Variants in RECK observed in about 807,000 individuals in gnomAD.
The protein encoded by RECK is reversion-inducing cysteine-rich protein with Kazal motifs.
Under a neutral mutation model 115.1 loss-of-function variants are expected in RECK, and 69 were observed. The observed-to-expected ratio is 0.60, with a 90% CI of 0.49 to 0.73. RECK has a LOEUF of 0.73. Among genes scored for constraint, RECK ranks in the 30% least tolerant of loss-of-function variants. The pLI, the probability that RECK is intolerant of heterozygous loss-of-function variation, is 0.00. For missense variants in RECK, 1,047 were observed against 1,203.7 expected, an observed-to-expected ratio of 0.87 and a Z score of 1.93; for synonymous variants, 414 against 419.7, an observed-to-expected ratio of 0.99 and a Z score of 0.17.
At chr9:36,090,196 A>G (rs1823109655) in intron 9 of RECK, among the ~76,000 whole-genome samples, 1 of 152,098 alleles carries the variant, frequency 6.6e-6, no homozygotes, top group Admixed American at 6.6e-5. Flanking sequence ...AGGACTAGAA[A>G]AAAGAAAGCT....
chr9:36,105,781 G>A (rs1480189056), intron 13 of RECK, among the ~76,000 whole-genome samples: 1 of 152,160 alleles, frequency 6.6e-6, no homozygotes, highest in African/African-American at 2.4e-5. Flanking sequence ...ATAACTTTAA[G>A]GGTGAAGGAT....
intron 1 of RECK, among the ~76,000 whole-genome samples, chr9:36,051,513 TA>T (rs1054331448): frequency 1.3e-5 from 2 of 152,188 alleles, no homozygotes; most frequent in Non-Finnish European, 2.9e-5. Context: ...GGCTAATTAG[TA>T]AACCCATTTC....
At position 36,042,206 on chromosome 9, in the gene RECK, T is replaced by C. The variant is rs547715539; in HGVS notation, c.100+5108T>C. Among the ~76,000 whole-genome samples the C allele has an allele frequency of 2.6e-5, 4 of 152,166 alleles. No homozygotes were observed. In the East Asian group the frequency reaches 7.7e-4, roughly 29 times the overall value. ...CAGTCTTTTATCCCTCATCCCCCGCTCACTCTTCCCCTGCTGCCACCGAGT... is the reference window on the plus strand; with the variant it reads ...CAGTCTTTTATCCCTCATCCCCCGCCCACTCTTCCCCTGCTGCCACCGAGT... On this transcript the variant is annotated intron_variant, in intron 1 of 20. Transcript: ENST00000377966.
At chr9:36,058,575 C>T (rs1447879515) in intron 2 of RECK, among the ~76,000 whole-genome samples, 5 of 146,270 alleles carry the variant, frequency 3.4e-5, no homozygotes, top group South Asian at 2.2e-4. Context: ...GTGGGTGCAG[C>T]GCACCAGCAT....
intron 1 of RECK, among the ~76,000 whole-genome samples, chr9:36,046,473 A>T (rs1821076242): frequency 6.6e-6 from 1 of 152,238 alleles, no homozygotes; most frequent in South Asian, 2.1e-4. Context: ...AGGAAGAAAA[A>T]TGTGTGCAGA....
At chr9:36,045,222 C>G (rs1296675197) in intron 1 of RECK, among the ~76,000 whole-genome samples, 1 of 152,042 alleles carries the variant, frequency 6.6e-6, no homozygotes, top group Non-Finnish European at 1.5e-5. Flanking sequence ...ATACTTTATG[C>G]AGATATACCC....
Position 36,094,424 on chromosome 9 carries a change from A to G in RECK, c.1085+3081A>G, listed in dbSNP as rs182279569. Among the ~76,000 whole-genome samples the G allele has an allele frequency of 4.9e-4, 74 of 152,272 alleles. No individual in the cohort carries two copies. The highest frequency in any genetic ancestry group is 7.8e-4 in the Admixed American group (12 of 15,302). On this transcript the variant is annotated intron_variant, in intron 10 of 20. Transcript: ENST00000377966. The surrounding 1 kb of genome is among the most constrained non-coding windows in gnomAD (Gnocchi z 4.1). ...AAACTATAATAAATAATGGACATATATTATGCCTAGAGCAACCACTAATTT... is the reference window on the plus strand; with the variant it reads ...AAACTATAATAAATAATGGACATATGTTATGCCTAGAGCAACCACTAATTT...
At chr9:36,069,779 C>A (rs143468705) in intron 6 of RECK, among the ~76,000 whole-genome samples, 9 of 152,010 alleles carry the variant, frequency 5.9e-5, no homozygotes, top group African/African-American at 2.2e-4. Context: ...AGAAGCCCTA[C>A]AAATACCCAG....
rs1824512213 is a variant in RECK at position 36,122,845 on chromosome 9, G to A, written c.2716G>A (p.Ala906Thr). The stretch of plus-strand genomic sequence containing the variant: ...ACAGATTGAAGCCTGCAATAAAGAA[G>A]CAGAGAAGATTGAGTCCCTTATCAA... ...ALQIEACNKE[A>T]EKIESLINSD... The change falls in exon 21 of 21, where the codon GCA becomes ACA. Residue 906 changes from alanine to threonine, a missense_variant. Physicochemically the swap from Ala to Thr is moderately conservative, Grantham distance 58 (BLOSUM62 0). Transcript: ENST00000377966. 2 of 1,613,942 alleles carry A rather than the reference G, an allele frequency of 1.2e-6. No individual in the cohort carries two copies. Among genetic ancestry groups the A allele is most frequent in the African/African-American group, 1.3e-5 (1 of 74,908 alleles).
intron 20 of RECK, 40 bp from the exon 21 acceptor site, chr9:36,122,784 C>G (rs759090711): frequency 6.5e-7 from 1 of 1,544,938 alleles, no homozygotes; most frequent in Non-Finnish European, 8.9e-7. Flanking sequence ...TGAAAACGTT[C>G]TGTGGTTTTA....
chr9:36,042,543 A>G, intron 1 of RECK, among the ~76,000 whole-genome samples: 1 of 152,026 alleles, frequency 6.6e-6, no homozygotes, highest in East Asian at 1.9e-4. Context: ...TTGTGCTGCT[A>G]CACACATCTA....
rs1283149067 is a variant in RECK at position 36,094,351 on chromosome 9, A to G, written c.1085+3008A>G. Among the ~76,000 whole-genome samples the G allele has an allele frequency of 1.3e-5, 2 of 152,146 alleles. No individual in the cohort carries two copies. The highest frequency in any genetic ancestry group is 2.9e-5 in the Non-Finnish European group (2 of 67,980). On this transcript the variant is annotated intron_variant, in intron 10 of 20. Coordinates refer to ENST00000377966, the MANE Select transcript of RECK (RefSeq NM_021111.3). The surrounding 1 kb of genome is among the most constrained non-coding windows in gnomAD (Gnocchi z 4.1). The stretch of plus-strand genomic sequence containing the variant: ...GAGAGAGGTAAATAATTATACCGTT[A>G]TAAGTTTCTTACATTATTTGTGACA...
intron 1 of RECK, among the ~76,000 whole-genome samples, chr9:36,046,387 G>A (rs1431407671): frequency 6.6e-6 from 1 of 152,178 alleles, no homozygotes; most frequent in Non-Finnish European, 1.5e-5. Context: ...TCATATGAAT[G>A]GATGTCTATT....
At position 36,112,479 on chromosome 9, in the gene RECK, A is replaced by T. The variant is rs1286037130; in HGVS notation, c.2060+3A>T. ...AATCCCTGCCAAAAAAACCAAAGGT[A>T]AGTCAAATGGCTTCTTATTTTATTC... On this transcript the variant is annotated splice_donor_region_variant and intron_variant, in intron 16 of 20. Coordinates refer to ENST00000377966, the MANE Select transcript of RECK (RefSeq NM_021111.3). 6.2e-7 allele frequency: 1 copy of T among 1,613,686 alleles called. No homozygotes were observed. Among genetic ancestry groups the T allele is most frequent in the African/African-American group, 1.3e-5 (1 of 74,928 alleles).
chr9:36,105,193 C>T lies in RECK; in HGVS notation c.1486C>T (p.Pro496Ser). Reference sequence around the variant, plus strand: ...AGAAGAAGTGACTCATCCCTGTAACCCAAATCCTTGCCCTGCCAATGAGCT... The same window carrying T: ...AGAAGAAGTGACTCATCCCTGTAACTCAAATCCTTGCCCTGCCAATGAGCT... The part of the protein sequence containing the change: ...IVEEVTHPCN[P>S]NPCPANELCE... The change falls in exon 13 of 21, where the codon CCA becomes TCA. Residue 496 changes from proline to serine, a missense_variant. Pro to Ser is a moderately conservative substitution (Grantham distance 74). Transcript: ENST00000377966. The T allele has an allele frequency of 6.2e-7, 1 of 1,614,052 alleles. No homozygotes were observed.
At chr9:36,037,145 C>T in intron 1 of RECK, 47 bp downstream of exon 1, 2 of 1,202,800 alleles carry the variant, frequency 1.7e-6, no homozygotes, top group Non-Finnish European at 1.1e-6. Flanking sequence ...GGAGCGGCCG[C>T]CACAGCGCTC....
rs543633886 is a variant in RECK at position 36,115,949 on chromosome 9, A to C, written c.2061-1036A>C. Among the ~76,000 whole-genome samples the C allele has an allele frequency of 2.0e-5, 3 of 152,292 alleles. No individual in the cohort carries two copies. In the East Asian group the frequency reaches 5.8e-4, roughly 29 times the overall value. ...AAAAAGCCTAAAGAAGAAAAGAATCATCATCCCTAGCCCCTCTGAAGGAGC... is the reference window on the plus strand; with the variant it reads ...AAAAAGCCTAAAGAAGAAAAGAATCCTCATCCCTAGCCCCTCTGAAGGAGC... On this transcript the variant is annotated intron_variant, in intron 16 of 20. Coordinates refer to ENST00000377966, the MANE Select transcript of RECK (RefSeq NM_021111.3).
intron 14 of RECK, among the ~76,000 whole-genome samples, chr9:36,108,388 A>C (rs1329962875): frequency 1.3e-5 from 2 of 152,188 alleles, no homozygotes; most frequent in East Asian, 3.8e-4. Flanking sequence ...ATTGAATTCT[A>C]ATCATGTGCT....
chr9:36,107,354 C>G (rs1451799096), intron 13 of RECK, among the ~76,000 whole-genome samples: 5 of 152,150 alleles, frequency 3.3e-5, no homozygotes, highest in African/African-American at 1.2e-4. Flanking sequence ...CTTTGGGAGG[C>G]TGAGGTAAGT....
Sources: allele counts gnomAD v4.1 joint callset (sites outside exome capture counted in the v4.1 genomes callset), GRCh38; gene constraint gnomAD v4.1.1; non-coding constraint Gnocchi (gnomAD v3.1); transcripts MANE v1.5; gene names NCBI Gene and HGNC (gene_info 2026-07-23, HGNC 2026-07-21).